POLA1: variants seen among roughly 807,000 people sequenced by gnomAD.
POLA1 encodes the protein DNA polymerase alpha 1, catalytic subunit, also known as DNA polymerase alpha catalytic subunit.
In POLA1, 15 loss-of-function variants were observed where a neutral mutation model predicts 124.0. That is an observed-to-expected ratio of 0.12 (90% CI 0.08 to 0.19). The LOEUF is 0.19. Ranked by LOEUF, POLA1 falls within the 10% of genes least tolerant of loss-of-function variation. The pLI is 1.00. For synonymous variants in POLA1, 408 were observed against 389.4 expected (o/e 1.05, Z -0.56); for missense variants, 886 against 1,103.4 (o/e 0.80, Z 2.79).
chrX:24,706,816 A>G (rs1928841935), intron 4 of POLA1, among the ~76,000 whole-genome samples: 1 of 112,156 alleles, frequency 8.9e-6, no homozygotes, highest in South Asian at 3.6e-4. Context: ...TTGATTTACT[A>G]TGTAGGTTCA....
At chrX:24,909,372 T>G (rs2047412551) in intron 35 of POLA1, among the ~76,000 whole-genome samples, 1 of 112,422 alleles carries the variant, frequency 8.9e-6, no homozygotes, top group Non-Finnish European at 1.9e-5. Context: ...GTTTTAGGTC[T>G]AACATTTAAG....
chrX:24,920,445 G>C (rs1463228872), intron 35 of POLA1, among the ~76,000 whole-genome samples: 1 of 111,360 alleles, frequency 9.0e-6, no homozygotes, highest in Admixed American at 9.5e-5. Context: ...GTGTGAGGGA[G>C]GTACCAGGTG....
chrX:24,918,539 T>C (rs1019002695), intron 35 of POLA1, among the ~76,000 whole-genome samples: 3 of 112,210 alleles, frequency 2.7e-5, no homozygotes, highest in Non-Finnish European at 5.6e-5. Flanking sequence ...ACTCATTTAA[T>C]ATGCATCATA....
chrX:24,778,721 A>G (rs746385407), intron 26 of POLA1, among the ~76,000 whole-genome samples: 1 of 111,861 alleles, frequency 8.9e-6, no homozygotes, highest in East Asian at 2.8e-4. Context: ...AAACCCTGTG[A>G]TATTATTTTT....
intron 36 of POLA1, among the ~76,000 whole-genome samples, chrX:24,943,418 A>G (rs1346663236): frequency 8.9e-6 from 1 of 112,765 alleles, no homozygotes; most frequent in Non-Finnish European, 1.9e-5. Context: ...CACTAACACC[A>G]TGGTGAAAGT....
At chrX:24,735,052 G>A (rs1478321801) in intron 17 of POLA1, among the ~76,000 whole-genome samples, 1 of 112,018 alleles carries the variant, frequency 8.9e-6, no homozygotes, top group Non-Finnish European at 1.9e-5. Context: ...GTCTACCAGG[G>A]ATTATATAGG....
chrX:24,823,828 C>T (rs1426397846), intron 31 of POLA1, among the ~76,000 whole-genome samples: 1 of 112,304 alleles, frequency 8.9e-6, no homozygotes, highest in East Asian at 2.8e-4. Flanking sequence ...AAATAGTACC[C>T]TACTGATAAC....
At chrX:24,961,721 CA>C (rs2048169939) in intron 36 of POLA1, among the ~76,000 whole-genome samples, 1 of 111,471 alleles carries the variant, frequency 9.0e-6, no homozygotes, top group Non-Finnish European at 1.9e-5. Context: ...TTCAAATGCC[CA>C]ATAAAGCCTA....
chrX:24,834,432 C>G (rs1302255942), intron 32 of POLA1, among the ~76,000 whole-genome samples: 1 of 111,972 alleles, frequency 8.9e-6, no homozygotes. Context: ...TTGTCTGACA[C>G]TTATACAGTA....
chrX:24,943,122 C>T (rs760588668), intron 36 of POLA1, among the ~76,000 whole-genome samples: 137 of 112,747 alleles, frequency 1.2e-3, no homozygotes, highest in Middle Eastern at 4.6e-3. Flanking sequence ...AAATGTTTTT[C>T]TATCTTAAAT....
At chrX:24,782,052 A>G (rs2045275682) in intron 26 of POLA1, among the ~76,000 whole-genome samples, 1 of 112,064 alleles carries the variant, frequency 8.9e-6, no homozygotes, top group African/African-American at 3.2e-5. Flanking sequence ...TTAGAAGCTC[A>G]GAAATCTAAC....
chrX:24,909,880 C>A (rs1457498680), intron 35 of POLA1, among the ~76,000 whole-genome samples: 199 of 110,072 alleles, frequency 1.8e-3, no homozygotes, highest in South Asian at 7.1e-3. Context: ...ATGGAATGTT[C>A]TTCCATTTGT....
At chrX:24,904,930 A>G (rs1287446466) in intron 35 of POLA1, among the ~76,000 whole-genome samples, 2 of 109,157 alleles carry the variant, frequency 1.8e-5, no homozygotes, top group Non-Finnish European at 3.8e-5. Context: ...ATGCTAAGGC[A>G]GGAGAATCGC....
intron 19 of POLA1, among the ~76,000 whole-genome samples, chrX:24,738,377 C>T (rs1931432354): frequency 9.0e-6 from 1 of 110,855 alleles, no homozygotes; most frequent in African/African-American, 3.3e-5. Flanking sequence ...GTTCAGAAAT[C>T]GTTGAGTGCT....
rs1929842087 is a variant in POLA1, at chrX:24,716,396, T to C, written c.560T>C (p.Leu187Pro). Residue 187 changes from leucine (L) to proline (P), a missense_variant, in exon 7 of 37, where the codon CTG (leucine) becomes CCG (proline). This residue lies in a region of POLA1 where 337 missense variants were observed against 402.8 expected (regional missense o/e 0.84). Transcript: ENST00000379068. ...ATAACTCCACCACCTGTAATGATACTGAAGAAGAAAAGATCCATTGGAGCT... is the reference window on the plus strand; with the variant it reads ...ATAACTCCACCACCTGTAATGATACCGAAGAAGAAAAGATCCATTGGAGCT... ...PQITPPPVMI[L>P]KKKRSIGASP... The C allele has an allele frequency of 9.2e-6, 11 of 1,190,359 alleles. No individual in the cohort carries two copies. The South Asian group carries it at 1.8e-4, about 19-fold the overall frequency.
rs375579240 is a variant in POLA1, at chrX:24,938,290, C to A, written c.4261+7741C>A. 1.8e-4 allele frequency among the ~76,000 whole-genome samples: 20 copies of A among 111,522 alleles called. No homozygotes were observed. The South Asian group carries it at 7.7e-3, about 43-fold the overall frequency. On this transcript the variant is annotated intron_variant, in intron 36 of 36. Transcript: ENST00000379068. The stretch of plus-strand genomic sequence containing the variant: ...AATTAGCCAGGCATGGTGGCACGTG[C>A]CTGTAATCCCAGCTACTTGGGAGGC...
chrX:24,785,266 G>T (rs2045340149), intron 26 of POLA1, among the ~76,000 whole-genome samples: 1 of 112,149 alleles, frequency 8.9e-6, no homozygotes, highest in African/African-American at 3.2e-5. Context: ...TAAGGATGTA[G>T]TATCCTATAA....
At chrX:24,879,399 GA>G (rs981599125) in intron 34 of POLA1, among the ~76,000 whole-genome samples, 12 of 111,807 alleles carry the variant, frequency 1.1e-4, no homozygotes, top group Admixed American at 9.5e-5. Flanking sequence ...CATATAGGGG[GA>G]AAAAAGTATT....
At chrX:24,728,584 T>A (rs985743865) in intron 15 of POLA1, among the ~76,000 whole-genome samples, 1 of 112,118 alleles carries the variant, frequency 8.9e-6, no homozygotes, top group Non-Finnish European at 1.9e-5. Context: ...CTCCAGTTTT[T>A]TTAATGACAT....
Sources: gnomAD v4.1 joint callset for allele counts (sites outside exome capture counted in the v4.1 genomes callset) on GRCh38, gnomAD v4.1.1 for gene constraint, gnomAD v4.1.1 regional missense constraint, MANE v1.5 for transcripts, NCBI Gene and HGNC (gene_info 2026-07-23, HGNC 2026-07-21) for gene names.